Variants in SH3RF3 observed in about 807,000 individuals in gnomAD.
SH3RF3 encodes the protein SH3 domain containing ring finger 3, also known as E3 ubiquitin-protein ligase SH3RF3.
SH3RF3 carries 29 observed loss-of-function variants against 66.3 expected under a neutral mutation model. The observed-to-expected ratio is 0.44, with a 90% CI of 0.33 to 0.60. SH3RF3 has a LOEUF of 0.60. Ranked by LOEUF, SH3RF3 falls within the 20% of genes least tolerant of loss-of-function variation. The pLI is 0.04. For missense variants in SH3RF3, 1,194 were observed against 1,190.9 expected (o/e 1.00, Z -0.04); for synonymous variants, 583 against 532.0 (o/e 1.10, Z -1.32).
At chr2:109,423,389 C>T (rs1209641372) in intron 5 of SH3RF3, among the ~76,000 whole-genome samples, 4 of 152,136 alleles carry the variant, frequency 2.6e-5, no homozygotes, top group East Asian at 3.9e-4. Flanking sequence ...CTCATGACCC[C>T]GCTGCCATTT....
At chr2:109,471,238 A>G (rs969985854) in intron 8 of SH3RF3, among the ~76,000 whole-genome samples, 2 of 150,154 alleles carry the variant, frequency 1.3e-5, no homozygotes, top group Admixed American at 6.6e-5. Context: ...AAAAGAAATT[A>G]ATACCTGAGA....
intron 1 of SH3RF3, among the ~76,000 whole-genome samples, chr2:109,329,133 T>C (rs565395723): frequency 2.6e-5 from 4 of 152,302 alleles, no homozygotes; most frequent in Non-Finnish European, 1.5e-5. Context: ...TTCCCCTCTC[T>C]CCTACATTGG....
intron 8 of SH3RF3, among the ~76,000 whole-genome samples, chr2:109,485,803 C>T (rs369480966): frequency 2.6e-5 from 4 of 152,228 alleles, no homozygotes; most frequent in Admixed American, 6.5e-5. Flanking sequence ...GTCAGTGTTC[C>T]GTGCCTGGGC....
chr2:109,187,345 A>G (rs1678218166), intron 1 of SH3RF3, among the ~76,000 whole-genome samples: 1 of 131,958 alleles, frequency 7.6e-6, no homozygotes, highest in Non-Finnish European at 1.6e-5. Flanking sequence ...TCCAGAGTGC[A>G]AAAGACAACC....
chr2:109,254,914 T>A (rs1163127771), intron 1 of SH3RF3, among the ~76,000 whole-genome samples: 1 of 152,184 alleles, frequency 6.6e-6, no homozygotes, highest in Admixed American at 6.5e-5. Flanking sequence ...TGTGACCCAC[T>A]CTGGTCTCAA....
At chr2:109,387,230 A>C (rs1675846190) in intron 3 of SH3RF3, among the ~76,000 whole-genome samples, 1 of 152,220 alleles carries the variant, frequency 6.6e-6, no homozygotes, top group Non-Finnish European at 1.5e-5. Context: ...AATTGTGAGA[A>C]TATTCTCATA....
chr2:109,409,750 C>T lies in SH3RF3; in HGVS notation c.1300-9789C>T, dbSNP rs965076404. Among the ~76,000 whole-genome samples, 9 of 147,702 alleles carry T rather than the reference C, an allele frequency of 6.1e-5. No individual in the cohort carries two copies. In the East Asian group the frequency reaches 1.6e-3, roughly 26 times the overall value. Reference sequence around the variant, plus strand: ...CCTCTGGCTACACAAGCTGCTTGCTCCTCTTTGCAGAATCAAGCAGAAGAA... The same window carrying T: ...CCTCTGGCTACACAAGCTGCTTGCTTCTCTTTGCAGAATCAAGCAGAAGAA... On this transcript the variant is annotated intron_variant, in intron 4 of 9. Coordinates refer to ENST00000309415, the MANE Select transcript of SH3RF3 (RefSeq NM_001099289.3).
At chr2:109,388,848 G>T (rs1383772914) in intron 3 of SH3RF3, among the ~76,000 whole-genome samples, 1 of 152,156 alleles carries the variant, frequency 6.6e-6, no homozygotes, top group Non-Finnish European at 1.5e-5. Flanking sequence ...AGAGAAGGGG[G>T]TATAGAGACG....
intron 1 of SH3RF3, among the ~76,000 whole-genome samples, chr2:109,156,588 G>A (rs981663617): frequency 6.6e-6 from 1 of 151,944 alleles, no homozygotes; most frequent in African/African-American, 2.4e-5. Flanking sequence ...TGAGATTACA[G>A]GTGTCCACCA....
intron 1 of SH3RF3, among the ~76,000 whole-genome samples, chr2:109,299,552 G>T (rs1559009876): frequency 6.6e-6 from 1 of 152,068 alleles, no homozygotes; most frequent in Non-Finnish European, 1.5e-5. Flanking sequence ...GCTCCCAGGG[G>T]AGTCACCAAG....
chr2:109,310,039 T>A (rs1283675667), intron 1 of SH3RF3, among the ~76,000 whole-genome samples: 1 of 119,380 alleles, frequency 8.4e-6, no homozygotes, highest in East Asian at 2.3e-4. Flanking sequence ...AGAATATACA[T>A]TTTTTTCAGC....
intron 1 of SH3RF3, among the ~76,000 whole-genome samples, chr2:109,234,309 T>C (rs1310534616): frequency 6.6e-6 from 1 of 152,208 alleles, no homozygotes; most frequent in Non-Finnish European, 1.5e-5. Context: ...ATAGGAAAAC[T>C]TTAGGTTAGA....
intron 3 of SH3RF3, among the ~76,000 whole-genome samples, chr2:109,383,190 A>G (rs1675741247): frequency 6.6e-6 from 1 of 152,216 alleles, no homozygotes; most frequent in Non-Finnish European, 1.5e-5. Flanking sequence ...GAGATTTGGC[A>G]CTGGGTGCCT....
intron 1 of SH3RF3, among the ~76,000 whole-genome samples, chr2:109,219,053 T>C (rs896191779): frequency 6.6e-6 from 1 of 152,252 alleles, no homozygotes; most frequent in African/African-American, 2.4e-5. Context: ...TCAGTCCTCA[T>C]TTAGCTGACC....
chr2:109,295,427 G>C (rs886064416), intron 1 of SH3RF3, among the ~76,000 whole-genome samples: 1 of 152,252 alleles, frequency 6.6e-6, no homozygotes, highest in African/African-American at 2.4e-5. Context: ...AAAGAACTCA[G>C]GGCGGGAGCC....
intron 1 of SH3RF3, among the ~76,000 whole-genome samples, chr2:109,254,887 C>T (rs1296163528): frequency 6.6e-6 from 1 of 152,144 alleles, no homozygotes; most frequent in South Asian, 2.1e-4. Context: ...GTGGGCTCAG[C>T]GAGACAGTAC....
intron 6 of SH3RF3, among the ~76,000 whole-genome samples, chr2:109,433,738 G>T (rs1189117493): frequency 6.6e-6 from 1 of 152,232 alleles, no homozygotes; most frequent in Non-Finnish European, 1.5e-5. Context: ...GTGCCCAGAA[G>T]CGGGGGCTAA....
intron 8 of SH3RF3, among the ~76,000 whole-genome samples, chr2:109,452,903 C>T (rs1434855325): frequency 9.6e-5 from 14 of 145,202 alleles, no homozygotes; most frequent in South Asian, 2.3e-4. Flanking sequence ...AGGCTGGTCC[C>T]GGGAGGCTGG....
intron 9 of SH3RF3, among the ~76,000 whole-genome samples, chr2:109,501,040 A>G (rs74481076): frequency 0.017 from 2,600 of 152,320 alleles, 39 homozygotes; most frequent in East Asian, 0.084. Context: ...GCTGCAGTTG[A>G]GGAGCGTGCT....
Sources: gnomAD v4.1 joint callset for allele counts (sites outside exome capture counted in the v4.1 genomes callset) on GRCh38, gnomAD v4.1.1 for gene constraint, MANE v1.5 for transcripts, NCBI Gene and HGNC (gene_info 2026-07-23, HGNC 2026-07-21) for gene names.